ATOSA: variants seen among roughly 807,000 people sequenced by gnomAD.
The protein encoded by ATOSA is atos homolog protein A.
At chr15:52,607,446 A>G in the ATOSA span, among the ~76,000 whole-genome samples, 2 of 152,232 alleles carry the variant, frequency 1.3e-5, no homozygotes, top group East Asian at 3.8e-4. Flanking sequence ...GGAATGAACC[A>G]AGGACTTGTA....
At chr15:52,707,998 C>T in the ATOSA span, among the ~76,000 whole-genome samples, 4 of 152,106 alleles carry the variant, frequency 2.6e-5, no homozygotes, top group Non-Finnish European at 4.4e-5. Flanking sequence ...AACCTTATTA[C>T]CAGAGGCTGA....
the ATOSA span, among the ~76,000 whole-genome samples, chr15:52,673,892 C>G: frequency 6.6e-6 from 1 of 152,148 alleles, no homozygotes; most frequent in South Asian, 2.1e-4. Context: ...AGGCTAATGT[C>G]TAAATTTGTA....
At chr15:52,636,096 A>G in the ATOSA span, among the ~76,000 whole-genome samples, 1 of 140,860 alleles carries the variant, frequency 7.1e-6, no homozygotes. Flanking sequence ...TAATAAAATT[A>G]AATATTAAAT....
chr15:52,605,356 G>A, the ATOSA span: 1 of 676,734 alleles, frequency 1.5e-6, no homozygotes, highest in Non-Finnish European at 2.4e-6. Flanking sequence ...AGGTATTGCT[G>A]GTGAAGCTGG....
the ATOSA span, among the ~76,000 whole-genome samples, chr15:52,650,234 C>CCT: frequency 6.6e-6 from 1 of 152,116 alleles, no homozygotes; most frequent in African/African-American, 2.4e-5. Flanking sequence ...CTTTCATACC[C>CCT]CTACCCCTTC....
At chr15:52,694,649 G>A in the ATOSA span, among the ~76,000 whole-genome samples, 46 of 151,576 alleles carry the variant, frequency 3.0e-4, no homozygotes, top group African/African-American at 1.0e-3. Flanking sequence ...GCAAGACCCC[G>A]CCTCTATTTT....
chr15:52,614,469 C>T, the ATOSA span, among the ~76,000 whole-genome samples: 2 of 152,018 alleles, frequency 1.3e-5, no homozygotes, highest in African/African-American at 4.8e-5. Flanking sequence ...GACACATTTT[C>T]TGAGAAATTT....
At chr15:52,697,185 C>T in the ATOSA span, among the ~76,000 whole-genome samples, 1 of 152,186 alleles carries the variant, frequency 6.6e-6, no homozygotes, top group African/African-American at 2.4e-5. Flanking sequence ...GCTTATGGCC[C>T]TTTCATTCCT....
At chr15:52,611,892 C>A in the ATOSA span, 3 of 929,044 alleles carry the variant, frequency 3.2e-6, no homozygotes, top group South Asian at 5.0e-5. Flanking sequence ...TCAGCTATTG[C>A]AGAGCTTTGC....
chr15:52,602,156 T>G, the ATOSA span, among the ~76,000 whole-genome samples: 2 of 152,342 alleles, frequency 1.3e-5, no homozygotes, highest in Middle Eastern at 6.8e-3. Context: ...TAAATATTTG[T>G]CTACTCACTC....
At chr15:52,589,125 TATTTAAA>T in the ATOSA span, among the ~76,000 whole-genome samples, 1 of 152,224 alleles carries the variant, frequency 6.6e-6, no homozygotes, top group East Asian at 1.9e-4. Context: ...GTCATATGGT[TATTTAAA>T]GCATGAAAAA....
chr15:52,587,305 A>G, the ATOSA span: 3 of 1,114,956 alleles, frequency 2.7e-6, no homozygotes, highest in Admixed American at 4.9e-5. Context: ...GTAATTTATT[A>G]AAATTTCAGA....
the ATOSA span, among the ~76,000 whole-genome samples, chr15:52,642,741 C>T: frequency 4.6e-5 from 7 of 152,168 alleles, no homozygotes; most frequent in South Asian, 2.1e-4. Context: ...TGACTCCTCA[C>T]CATTCCCAGA....
chr15:52,646,574 A>G, the ATOSA span, among the ~76,000 whole-genome samples: 4 of 152,132 alleles, frequency 2.6e-5, no homozygotes. Context: ...TCCAGGGCAA[A>G]CCCATCTACA....
chr15:52,654,676 T>A, the ATOSA span, among the ~76,000 whole-genome samples: 1 of 152,080 alleles, frequency 6.6e-6, no homozygotes, highest in African/African-American at 2.4e-5. Context: ...GGATAGTAGA[T>A]CTTTTACAAA....
chr15:52,589,851 G>A, the ATOSA span, among the ~76,000 whole-genome samples: 7 of 151,494 alleles, frequency 4.6e-5, no homozygotes, highest in African/African-American at 1.7e-4. Flanking sequence ...GCAGTGACAC[G>A]ATCTTGGCTC....
chr15:52,687,407 A>T, the ATOSA span, among the ~76,000 whole-genome samples: 2 of 152,284 alleles, frequency 1.3e-5, no homozygotes, highest in Non-Finnish European at 2.9e-5. Flanking sequence ...TCCGTCTCAA[A>T]AAATAAATAA....
chr15:52,610,200 T>C, the ATOSA span: 33 of 1,614,010 alleles, frequency 2.0e-5, no homozygotes, highest in Non-Finnish European at 2.7e-5. Context: ...GTTGAATTCT[T>C]TTCTCATAAA....
the ATOSA span, among the ~76,000 whole-genome samples, chr15:52,706,019 A>G: frequency 1.3e-5 from 2 of 152,164 alleles, no homozygotes; most frequent in East Asian, 3.8e-4. Context: ...TCAATATTAC[A>G]TATTAAACTG....
Sources: gnomAD v4.1 joint callset for allele counts (sites outside exome capture counted in the v4.1 genomes callset) on GRCh38, gnomAD v4.1.1 for gene constraint, MANE v1.5 for transcripts, NCBI Gene and HGNC (gene_info 2026-07-23, HGNC 2026-07-21) for gene names.